Variants in PPFIBP2 observed in about 807,000 individuals in gnomAD.
The protein encoded by PPFIBP2 is PPFIB scaffold protein 2, also known as liprin-beta-2.
A neutral mutation model predicts 118.3 loss-of-function variants in PPFIBP2; 118 were observed. The ratio of observed to expected loss-of-function variants is 1.00; its 90% confidence interval spans 0.86 to 1.16. The LOEUF is 1.16. PPFIBP2 is among the 50% of genes most tolerant of loss of function. The probability of loss-of-function intolerance (pLI) is 0.00; values close to 1 mark genes in which losing one functional copy is unlikely to be tolerated. For synonymous variants in PPFIBP2, 414 were observed against 397.4 expected (o/e 1.04, Z -0.50); for missense variants, 1,195 against 1,073.1 (o/e 1.11, Z -1.59).
chr11:7,564,879 T>C (rs4132103), intron 2 of PPFIBP2, among the ~76,000 whole-genome samples: 1 of 152,140 alleles, frequency 6.6e-6, no homozygotes, highest in Non-Finnish European at 1.5e-5. Context: ...CAGAGTCACT[T>C]CCACTGCTTT....
intron 1 of PPFIBP2, among the ~76,000 whole-genome samples, chr11:7,514,935 GTCTTTC>G (rs1849104759): frequency 6.6e-6 from 1 of 152,166 alleles, no homozygotes; most frequent in Admixed American, 6.5e-5. Context: ...TCTACTTCCT[GTCTTTC>G]TCTTCGTCTC....
At chr11:7,555,107 C>G (rs1189178559) in intron 2 of PPFIBP2, among the ~76,000 whole-genome samples, 1 of 152,130 alleles carries the variant, frequency 6.6e-6, no homozygotes, top group Non-Finnish European at 1.5e-5. Flanking sequence ...GCCACAGACA[C>G]TAATTTTGCA....
chr11:7,572,814 T>C (rs138744092), intron 3 of PPFIBP2, among the ~76,000 whole-genome samples: 10 of 152,330 alleles, frequency 6.6e-5, no homozygotes, highest in African/African-American at 2.4e-4. Flanking sequence ...AGTTTTACTC[T>C]TATTGCCCAG....
intron 2 of PPFIBP2, among the ~76,000 whole-genome samples, chr11:7,553,340 T>A (rs1853214811): frequency 6.6e-6 from 1 of 152,166 alleles, no homozygotes; most frequent in Non-Finnish European, 1.5e-5. Context: ...AACACTGAGG[T>A]TACTAGTGAG....
At position 7,610,393 on chromosome 11, in the gene PPFIBP2, GAGC is replaced by G. The variant is rs747124486; in HGVS notation, c.592_594del (p.Gln198del). 1.9e-6 allele frequency: 3 copies of G among 1,614,102 alleles called. No individual in the cohort carries two copies. The highest frequency in any genetic ancestry group is 2.5e-6 in the Non-Finnish European group (3 of 1,180,002). The stretch of plus-strand genomic sequence containing the variant: ...GGTTGGCATGGAGAAGGAGCAGAGA[GAGC>G]AGGAGGAGAAGCAGAGAAAAGCAGA... On this transcript the variant is annotated inframe_deletion, in exon 6 of 24. Transcript: ENST00000299492.
intron 5 of PPFIBP2, among the ~76,000 whole-genome samples, chr11:7,608,887 A>G (rs1399997561): frequency 1.3e-5 from 2 of 152,132 alleles, no homozygotes; most frequent in Non-Finnish European, 2.9e-5. Context: ...CATCTGGCTG[A>G]CTCCTAGTGG....
chr11:7,651,216 T>C lies in PPFIBP2; in HGVS notation c.2247+251T>C, dbSNP rs1853952677. 4 of 400,154 alleles carry C rather than the reference T, an allele frequency of 1.0e-5. No individual in the cohort carries two copies. The South Asian group carries it at 1.3e-4, about 13-fold the overall frequency. 24.8% of individuals were successfully genotyped at this position (400,154 alleles called of 1,614,324 possible). On this transcript the variant is annotated intron_variant, in intron 22 of 23. Transcript: ENST00000299492. ...GAGGATTCTAGGTCGATGGGTTGCA[T>C]GGAGACCAACGCTTACAAGGCGAGG...
the PPFIBP2 span, among the ~76,000 whole-genome samples, chr11:7,664,296 T>A: frequency 2.6e-4 from 40 of 152,278 alleles, no homozygotes; most frequent in East Asian, 6.0e-3. Flanking sequence ...GGAAGGGCAT[T>A]CCAGGTAGAC....
In PPFIBP2 at chr11:7,531,217, G is replaced by T. The variant is rs1250006047; in HGVS notation, c.-37+17096G>T. On this transcript the variant is annotated intron_variant, in intron 1 of 23. Transcript: ENST00000299492. Reference sequence around the variant, plus strand: ...CCACTTTCTGGCCTCTGAACTCTTAGGGGAGGGAAGTGATCCAAGTGGCAA... The same window carrying T: ...CCACTTTCTGGCCTCTGAACTCTTATGGGAGGGAAGTGATCCAAGTGGCAA... Among the ~76,000 whole-genome samples, 4 of 152,196 alleles carry T rather than the reference G, an allele frequency of 2.6e-5. No homozygotes were observed. In the East Asian group the frequency reaches 7.7e-4, roughly 29 times the overall value.
At position 7,580,108 on chromosome 11, in the gene PPFIBP2, T is replaced by C. The variant is rs368517147; in HGVS notation, c.280-13024T>C. On this transcript the variant is annotated intron_variant, in intron 3 of 23. Transcript: ENST00000299492. The stretch of plus-strand genomic sequence containing the variant: ...CAACCTCAACTTACCTTTTTAGTTT[T>C]ATCTTTTATATCTACCCTGATGAGC... Among the ~76,000 whole-genome samples the C allele has an allele frequency of 1.7e-4, 26 of 152,336 alleles. No homozygotes were observed. In the South Asian group the frequency reaches 5.2e-3, roughly 30 times the overall value.
intron 3 of PPFIBP2, among the ~76,000 whole-genome samples, chr11:7,568,365 T>C (rs7932127): frequency 0.34 from 51,931 of 152,008 alleles, 10,128 homozygotes; most frequent in African/African-American, 0.54. Context: ...CCATAACAGT[T>C]GCAAGATGGC....
intron 22 of PPFIBP2, 165 bp downstream of exon 22, chr11:7,651,130 G>C: frequency 1.4e-6 from 1 of 706,398 alleles, no homozygotes; most frequent in Non-Finnish European, 2.2e-6. Context: ...TTGTCCTTGA[G>C]AATTAATATA....
chr11:7,646,177 T>G (rs1853028244), intron 17 of PPFIBP2, among the ~76,000 whole-genome samples: 1 of 152,356 alleles, frequency 6.6e-6, no homozygotes, highest in African/African-American at 2.4e-5. Flanking sequence ...GTTTACATGA[T>G]GTACTGACAG....
intron 14 of PPFIBP2, among the ~76,000 whole-genome samples, chr11:7,638,640 G>A (rs1411047195): frequency 2.6e-5 from 4 of 152,172 alleles, no homozygotes; most frequent in Non-Finnish European, 5.9e-5. Flanking sequence ...AATCTGTTTT[G>A]TTTTTTATAT....
chr11:7,643,295 A>T (rs1416874381), intron 17 of PPFIBP2, among the ~76,000 whole-genome samples: 3 of 152,204 alleles, frequency 2.0e-5, no homozygotes, highest in Non-Finnish European at 4.4e-5. Context: ...CTTTGTTTTA[A>T]TTCTGGCTAG....
chr11:7,595,813 C>T (rs1188810245), intron 4 of PPFIBP2, among the ~76,000 whole-genome samples: 4 of 151,742 alleles, frequency 2.6e-5, no homozygotes, highest in Admixed American at 6.6e-5. Context: ...TACTTTGTTT[C>T]TAGGATTAGT....
downstream of PPFIBP2, among the ~76,000 whole-genome samples, chr11:7,655,088 AC>A (rs1363113368): frequency 6.6e-6 from 1 of 152,098 alleles, no homozygotes; most frequent in East Asian, 1.9e-4. Context: ...CTTCATTCCT[AC>A]TGCTCTCTGC....
intron 3 of PPFIBP2, among the ~76,000 whole-genome samples, chr11:7,592,310 C>T (rs1859475784): frequency 6.6e-6 from 1 of 152,082 alleles, no homozygotes; most frequent in Non-Finnish European, 1.5e-5. Flanking sequence ...AAGAAAGTGA[C>T]ACCTCCTTTC....
chr11:7,544,335 C>T (rs1361604798), intron 1 of PPFIBP2, among the ~76,000 whole-genome samples: 1 of 152,132 alleles, frequency 6.6e-6, no homozygotes. Context: ...GTGCTAAGAG[C>T]AATATCCTTC....
Sources: allele counts gnomAD v4.1 joint callset (sites outside exome capture counted in the v4.1 genomes callset), GRCh38; gene constraint gnomAD v4.1.1; transcripts MANE v1.5; gene names NCBI Gene and HGNC (gene_info 2026-07-23, HGNC 2026-07-21).